FRK: variants seen among roughly 807,000 people sequenced by gnomAD.
FRK encodes the protein fyn related Src family tyrosine kinase.
FRK carries 51 observed loss-of-function variants against 56.4 expected under a neutral mutation model. The observed-to-expected ratio is 0.90, with a 90% CI of 0.72 to 1.14. FRK has a LOEUF of 1.14. FRK is among the 50% of genes most tolerant of loss of function. The pLI is 0.00. For missense variants in FRK, 570 were observed against 601.4 expected (o/e 0.95, Z 0.55); for synonymous variants, 245 against 217.9 (o/e 1.12, Z -1.10).
At chr6:115,982,810 G>A (rs1162292699) in intron 2 of FRK, among the ~76,000 whole-genome samples, 2 of 152,076 alleles carry the variant, frequency 1.3e-5, no homozygotes, top group Non-Finnish European at 2.9e-5. Flanking sequence ...GGTGGTTCAT[G>A]CCTGTAATCG....
At chr6:116,040,757 A>G (rs1158513979) in intron 1 of FRK, among the ~76,000 whole-genome samples, 1 of 152,170 alleles carries the variant, frequency 6.6e-6, no homozygotes, top group Non-Finnish European at 1.5e-5. Context: ...AAACGGGAAG[A>G]ATTCATAGGC....
intron 2 of FRK, among the ~76,000 whole-genome samples, chr6:115,991,612 G>A (rs1020673219): frequency 1.3e-5 from 2 of 151,594 alleles, no homozygotes; most frequent in African/African-American, 2.4e-5. Flanking sequence ...ATTTATTCCT[G>A]AAATAAAACC....
intron 1 of FRK, among the ~76,000 whole-genome samples, chr6:116,044,283 A>G (rs933392766): frequency 3.9e-5 from 6 of 152,244 alleles, no homozygotes; most frequent in African/African-American, 1.4e-4. Flanking sequence ...ACACAATAAA[A>G]AAAGAAAATT....
chr6:116,025,023 T>C (rs1414086263), intron 1 of FRK, among the ~76,000 whole-genome samples: 1 of 152,170 alleles, frequency 6.6e-6, no homozygotes, highest in Non-Finnish European at 1.5e-5. Flanking sequence ...CCAGTGATGG[T>C]GAGCATTTTT....
At chr6:116,029,058 C>T (rs749227020) in intron 1 of FRK, among the ~76,000 whole-genome samples, 3 of 152,058 alleles carry the variant, frequency 2.0e-5, no homozygotes, top group Non-Finnish European at 4.4e-5. Flanking sequence ...TGTTCCTGGG[C>T]ACAGTTAGCA....
At chr6:115,949,612 G>A (rs1284444837) in intron 5 of FRK, among the ~76,000 whole-genome samples, 1 of 152,112 alleles carries the variant, frequency 6.6e-6, no homozygotes, top group East Asian at 1.9e-4. Context: ...ACTGCCCAAA[G>A]TAATTTAAAG....
chr6:116,095,935 G>A, the FRK span, among the ~76,000 whole-genome samples: 1 of 152,276 alleles, frequency 6.6e-6, no homozygotes, highest in South Asian at 2.1e-4. Flanking sequence ...ATCAGACAAT[G>A]CCTTTCAAAC....
At chr6:116,085,688 C>T in the FRK span, among the ~76,000 whole-genome samples, 1 of 151,984 alleles carries the variant, frequency 6.6e-6, no homozygotes, top group African/African-American at 2.4e-5. Context: ...CCACATGCAC[C>T]ACATGCACAG....
Position 115,940,731 on chromosome 6 carries a change from G to A in FRK, c.*1683C>T, listed in dbSNP as rs892410675. ...GCAGCCAACAGACATATGAAAAAAA[G>A]CTCATCATCTGATCATTAGAGAAAT... On this transcript the variant is annotated 3_prime_UTR_variant, in exon 8 of 8. Transcript: ENST00000606080. The A allele has an allele frequency of 1.3e-5, 2 of 152,184 alleles. No individual in the cohort carries two copies. The highest frequency in any genetic ancestry group is 2.4e-5 in the African/African-American group (1 of 41,446). The allele number at this position is 152,184 out of a possible 1,614,324, so 9.4% of individuals were successfully genotyped here.
At chr6:116,070,463 TAAC>T in the FRK span, among the ~76,000 whole-genome samples, 6 of 152,212 alleles carry the variant, frequency 3.9e-5, no homozygotes, top group Non-Finnish European at 8.8e-5. Flanking sequence ...TATCTTGTGC[TAAC>T]AACAATTTAT....
chr6:116,079,105 G>A, the FRK span, among the ~76,000 whole-genome samples: 6 of 151,898 alleles, frequency 4.0e-5, no homozygotes, highest in African/African-American at 9.7e-5. Flanking sequence ...TTTCTGGAGC[G>A]CAATGTGCAC....
At chr6:116,021,532 T>C (rs932850843) in intron 1 of FRK, among the ~76,000 whole-genome samples, 9 of 151,960 alleles carry the variant, frequency 5.9e-5, no homozygotes, top group Non-Finnish European at 1.3e-4. Flanking sequence ...TTAGTAGGAG[T>C]TTGACTTGAC....
chr6:115,996,408 A>G (rs1284856497), intron 2 of FRK, among the ~76,000 whole-genome samples: 3 of 152,114 alleles, frequency 2.0e-5, no homozygotes, highest in Non-Finnish European at 4.4e-5. Context: ...GGTCTGTATA[A>G]AGTGAGTTTA....
In FRK at chr6:116,011,230, T is replaced by A. The variant is rs567856941; in HGVS notation, c.345-7232A>T. ...GGTTTTGTCATTTCATCTAATAGAATCTTATTGTGCCTCACTGACGTGTAC... is the reference window on the plus strand; with the variant it reads ...GGTTTTGTCATTTCATCTAATAGAAACTTATTGTGCCTCACTGACGTGTAC... On this transcript the variant is annotated intron_variant, in intron 1 of 7. Transcript: ENST00000606080. Among the ~76,000 whole-genome samples the A allele has an allele frequency of 2.0e-5, 3 of 152,322 alleles. No homozygotes were observed. In the East Asian group the frequency reaches 5.8e-4, roughly 29 times the overall value.
chr6:116,059,935 T>G (rs1263147826), intron 1 of FRK, 33 bp downstream of exon 1: 1 of 1,545,566 alleles, frequency 6.5e-7, no homozygotes, highest in Non-Finnish European at 8.9e-7. Flanking sequence ...CCTCAGAGAG[T>G]TCAGAAATTA....
chr6:115,986,793 T>C (rs1461064511), intron 2 of FRK, among the ~76,000 whole-genome samples: 1 of 152,194 alleles, frequency 6.6e-6, no homozygotes, highest in Non-Finnish European at 1.5e-5. Context: ...AGACTCATTA[T>C]TGTGACAAGG....
At chr6:116,041,961 G>A (rs549136667) in intron 1 of FRK, among the ~76,000 whole-genome samples, 2 of 152,284 alleles carry the variant, frequency 1.3e-5, no homozygotes, top group Admixed American at 1.3e-4. Flanking sequence ...TCAGCAGATC[G>A]CACCCCCACG....
chr6:116,050,654 G>A (rs1185775375), intron 1 of FRK, among the ~76,000 whole-genome samples: 3 of 152,080 alleles, frequency 2.0e-5, no homozygotes, highest in Non-Finnish European at 4.4e-5. Context: ...AACATTCTTG[G>A]TTTACTAATC....
At position 115,942,548 on chromosome 6, in the gene FRK, A is replaced by G; in HGVS notation, c.1384T>C (p.Phe462Leu). 1 of 1,613,812 alleles carries G rather than the reference A, an allele frequency of 6.2e-7. No individual in the cohort carries two copies. The highest frequency in any genetic ancestry group is 1.1e-5 in the South Asian group (1 of 91,072). Residue 462 changes from phenylalanine to leucine, a missense_variant, in exon 8 of 8, where the codon TTT becomes CTT. Physicochemically the swap from Phe to Leu is conservative, Grantham distance 22. Transcript: ENST00000606080. Reference sequence around the variant, plus strand: ...CAGCACTCCAACATGATGTTGTAAAATTGCTGTGGACAGTTGGATGGTTGC... The same window carrying G: ...CAGCACTCCAACATGATGTTGTAAAGTTGCTGTGGACAGTTGGATGGTTGC... ...LPQPSNCPQQ[F>L]YNIMLECWNA...
Sources: gnomAD v4.1 joint callset for allele counts (sites outside exome capture counted in the v4.1 genomes callset) on GRCh38, gnomAD v4.1.1 for gene constraint, MANE v1.5 for transcripts, NCBI Gene and HGNC (gene_info 2026-07-23, HGNC 2026-07-21) for gene names.